The following FBXL4 variants were observed in gnomAD, a reference collection of about 807,000 sequenced individuals.
FBXL4 encodes F-box/LRR-repeat protein 4.
A neutral mutation model predicts 58.9 loss-of-function variants in FBXL4; 40 were observed. The observed-to-expected ratio is 0.68, with a 90% CI of 0.53 to 0.88. The LOEUF is 0.88. Ranked by LOEUF, FBXL4 falls within the 40% of genes least tolerant of loss-of-function variation. The pLI, the probability that FBXL4 is intolerant of heterozygous loss-of-function variation, is 0.00. For missense variants in FBXL4, 676 were observed against 734.4 expected (o/e 0.92, Z 0.92); for synonymous variants, 263 against 265.5 (o/e 0.99, Z 0.09).
chr6:98,893,023 CT>C (rs966548294), intron 7 of FBXL4, among the ~76,000 whole-genome samples: 8 of 152,142 alleles, frequency 5.3e-5, no homozygotes, highest in Non-Finnish European at 8.8e-5. Context: ...TTCCAGTCTG[CT>C]GCTAAGCAAC....
rs145421283 is a variant in FBXL4, at chr6:98,911,896, C to G, written c.858+5478G>C. ...CTACTCCGAGCTACAGGAGGAAATT[C>G]AAACCAAAGGCAAAGAAGTTAAAAA... On this transcript the variant is annotated intron_variant, in intron 5 of 9. Coordinates refer to ENST00000369244, the MANE Select transcript of FBXL4 (RefSeq NM_001278716.2). 0.017 allele frequency among the ~76,000 whole-genome samples: 2,533 copies of G among 152,214 alleles called. 147 individuals are homozygous for G. The East Asian group carries it at 0.19, about 11-fold the overall frequency.
rs1463008424 is a variant in FBXL4, at chr6:98,873,608, T to C, written c.*670A>G. 1.3e-5 allele frequency: 2 copies of C among 152,130 alleles called. No homozygotes were observed. Among genetic ancestry groups the C allele is most frequent in the Admixed American group, 6.5e-5 (1 of 15,268 alleles). 9.4% of individuals were successfully genotyped at this position (152,130 alleles called of 1,614,324 possible). ...TTTTTTTTAAGAGAAAGGGACTTGC[T>C]ATATTGCCCAGGTTGGAGTGCAGTG... On this transcript the variant is annotated 3_prime_UTR_variant, in exon 10 of 10. Coordinates refer to ENST00000369244, the MANE Select transcript of FBXL4 (RefSeq NM_001278716.2).
At chr6:98,881,156 G>GATACCAACA (rs1186749350) in intron 7 of FBXL4, among the ~76,000 whole-genome samples, 1 of 152,046 alleles carries the variant, frequency 6.6e-6, no homozygotes, top group East Asian at 1.9e-4. Context: ...TGCTGACAAG[G>GATACCAACA]ATACCAACAA....
At position 98,874,372 on chromosome 6, in the gene FBXL4, T is replaced by C. The variant is rs747618415; in HGVS notation, c.1772A>G (p.Asp591Gly). The change falls in exon 10 of 10, where the codon GAT (aspartate) becomes GGT (glycine). Residue 591 changes from aspartate to glycine, a missense_variant. Coordinates refer to ENST00000369244, the MANE Select transcript of FBXL4 (RefSeq NM_001278716.2). The stretch of plus-strand genomic sequence containing the variant: ...ATCAATCTGCGAACAGAAGGACACA[T>C]CAAGTAAAGAAAGATCTTTACAAGA... ...LESCKDLSLL[D>G]VSFCSQIDNR... 1 of 1,613,302 alleles carries C rather than the reference T, an allele frequency of 6.2e-7. No individual in the cohort carries two copies. The highest frequency in any genetic ancestry group is 1.1e-5 in the South Asian group (1 of 91,022).
At chr6:98,888,030 C>T (rs1167195122) in intron 7 of FBXL4, among the ~76,000 whole-genome samples, 1 of 152,198 alleles carries the variant, frequency 6.6e-6, no homozygotes, top group Non-Finnish European at 1.5e-5. Context: ...TTTCTCCATG[C>T]TATTAGTATT....
intron 1 of FBXL4, among the ~76,000 whole-genome samples, chr6:98,943,073 G>A (rs977500940): frequency 6.6e-6 from 1 of 151,752 alleles, no homozygotes. Flanking sequence ...AGTAAAACTG[G>A]TGAAATCTGA....
chr6:98,920,992 T>C (rs1259058680), intron 4 of FBXL4, among the ~76,000 whole-genome samples: 1 of 152,212 alleles, frequency 6.6e-6, no homozygotes. Context: ...ATTTATTTAC[T>C]GGACAAATCT....
At position 98,917,701 on chromosome 6, in the gene FBXL4, T is replaced by A. The variant is rs901074781; in HGVS notation, c.531A>T (p.Ser177=). 2.5e-6 allele frequency: 4 copies of A among 1,600,134 alleles called. No homozygotes were observed. Among genetic ancestry groups the A allele is most frequent in the Non-Finnish European group, 3.4e-6 (4 of 1,174,674 alleles). ...AAGCATTCACCTTCGTAGGTCTCTC[T>A]GACCAAAGAATCTCCCATCTGCCAA... ...PAEVRWEILW[S]ERPTKVNASQ... The change falls in exon 5 of 10, where the codon TCA becomes TCT. Residue 177 remains serine, a synonymous_variant. Coordinates refer to ENST00000369244, the MANE Select transcript of FBXL4 (RefSeq NM_001278716.2).
chr6:98,916,554 A>C (rs1772355663), intron 5 of FBXL4, among the ~76,000 whole-genome samples: 1 of 152,084 alleles, frequency 6.6e-6, no homozygotes, highest in Non-Finnish European at 1.5e-5. Flanking sequence ...ATTCTCAGTA[A>C]ACTATCACAA....
chr6:98,944,922 G>A (rs1773564813), intron 1 of FBXL4, among the ~76,000 whole-genome samples: 1 of 152,014 alleles, frequency 6.6e-6, no homozygotes, highest in Non-Finnish European at 1.5e-5. Context: ...CGTTCCTGTT[G>A]TGCTTTGTCT....
chr6:98,926,919 T>C lies in FBXL4; in HGVS notation c.70A>G (p.Arg24Gly), dbSNP rs759636678. The change falls in exon 4 of 10, where the codon AGG becomes GGG. Residue 24 changes from arginine to glycine, a missense_variant. Transcript: ENST00000369244. ...ATCATTTCTCCTCTTGTAGCTGTCCTGGCTCGGCGCCGAAGGCATATATAA... is the reference window on the plus strand; with the variant it reads ...ATCATTTCTCCTCTTGTAGCTGTCCCGGCTCGGCGCCGAAGGCATATATAA... ...FYYICLRRRA[R>G]TATRGEMMNT... 16 of 1,614,190 alleles carry C rather than the reference T, an allele frequency of 9.9e-6. 1 individual carries two copies. The South Asian group carries it at 1.6e-4, about 17-fold the overall frequency.
In FBXL4 at chr6:98,926,352, GA is replaced by G. The variant is rs1409023149; in HGVS notation, c.512+124del. The G allele has an allele frequency of 2.8e-5, 30 of 1,052,688 alleles. No homozygotes were observed. In the East Asian group the frequency reaches 3.8e-4, roughly 13 times the overall value. The allele number at this position is 1,052,688 out of a possible 1,614,324, so 65.2% of individuals were successfully genotyped here. ...CTCTCTTCCCCATCAGAAAACTAAG[GA>G]AAATTTTCAAAATCAAATTCAATTA... On this transcript the variant is annotated intron_variant, in intron 4 of 9. Transcript: ENST00000369244.
rs2128372804 is a variant in FBXL4, at chr6:98,870,750, T to C, written c.*3528A>G. 1 of 152,262 alleles carries C rather than the reference T, an allele frequency of 6.6e-6. No homozygotes were observed. Among genetic ancestry groups the C allele is most frequent in the Admixed American group, 6.5e-5 (1 of 15,294 alleles). 9.4% of individuals were successfully genotyped at this position (152,262 alleles called of 1,614,324 possible). A position where few individuals can be genotyped will look rare whatever the true frequency, so the allele number is the denominator to read the frequency against. ...AATCAGATTAGATGTCAGAGTATGA[T>C]GTTTAATATGCAATGTCATTATAGC... On this transcript the variant is annotated 3_prime_UTR_variant, in exon 10 of 10. Transcript: ENST00000369244.
At chr6:98,946,615 A>G (rs1250808790) in intron 1 of FBXL4, among the ~76,000 whole-genome samples, 1 of 152,226 alleles carries the variant, frequency 6.6e-6, no homozygotes, top group African/African-American at 2.4e-5. Context: ...GAAATTATCC[A>G]TCTTACAATG....
chr6:98,876,192 TAAGGA>T (rs1770656392), intron 8 of FBXL4, among the ~76,000 whole-genome samples: 1 of 152,166 alleles, frequency 6.6e-6, no homozygotes, highest in South Asian at 2.1e-4. Flanking sequence ...ATAATACTAA[TAAGGA>T]TACTAGTTTT....
intron 8 of FBXL4, among the ~76,000 whole-genome samples, chr6:98,877,272 C>T (rs576649556): frequency 6.6e-6 from 1 of 152,044 alleles, no homozygotes; most frequent in East Asian, 1.9e-4. Flanking sequence ...TATACCTGAA[C>T]AATACAAAAC....
At chr6:98,890,883 C>A (rs921237887) in intron 7 of FBXL4, among the ~76,000 whole-genome samples, 2 of 151,616 alleles carry the variant, frequency 1.3e-5, no homozygotes, top group African/African-American at 4.9e-5. Flanking sequence ...CGCTCCACTG[C>A]ACTACAGCCT....
chr6:98,947,707 A>G (rs955583459), intron 1 of FBXL4, 99 bp downstream of exon 1: 1 of 151,578 alleles, frequency 6.6e-6, no homozygotes, highest in Non-Finnish European at 1.5e-5. Flanking sequence ...AGACTCCCCA[A>G]AGCGCGGAGC....
At chr6:98,880,381 G>A (rs1259795501) in intron 8 of FBXL4, among the ~76,000 whole-genome samples, 172 bp downstream of exon 8, 1 of 152,092 alleles carries the variant, frequency 6.6e-6, no homozygotes, top group Admixed American at 6.5e-5. Flanking sequence ...GTGTTTCAAA[G>A]ACATACTTTC....
Sources: gnomAD v4.1 joint callset for allele counts (sites outside exome capture counted in the v4.1 genomes callset) on GRCh38, gnomAD v4.1.1 for gene constraint, MANE v1.5 for transcripts, NCBI Gene and HGNC (gene_info 2026-07-23, HGNC 2026-07-21) for gene names.